Variants in P2RX6 observed in about 807,000 individuals in gnomAD.
P2RX6 encodes the protein P2X purinoceptor 6.
In P2RX6, 62 loss-of-function variants were observed where a neutral mutation model predicts 54.2. The ratio of observed to expected loss-of-function variants is 1.14; its 90% CI spans 0.93 to 1.41. The LOEUF is 1.41. P2RX6 is among the 40% of genes most tolerant of loss of function. The pLI, the probability that P2RX6 is intolerant of heterozygous loss-of-function variation, is 0.00. For missense variants in P2RX6, 541 were observed against 566.3 expected, an observed-to-expected ratio of 0.96 and a Z score of 0.45; for synonymous variants, 211 against 231.9, an observed-to-expected ratio of 0.91 and a Z score of 0.82.
intron 2 of P2RX6, among the ~76,000 whole-genome samples, chr22:21,016,573 A>C (rs1464813560): frequency 1.4e-5 from 2 of 144,364 alleles, no homozygotes; most frequent in African/African-American, 5.2e-5. Flanking sequence ...TGGGTGGCAA[A>C]GCGAGACTCT....
At chr22:21,021,922 G>A (rs1456938149) in intron 3 of P2RX6, among the ~76,000 whole-genome samples, 2 of 152,134 alleles carry the variant, frequency 1.3e-5, no homozygotes, top group Non-Finnish European at 2.9e-5. Context: ...CCTGACTCTA[G>A]GGCCCTGATC....
chr22:21,024,378 C>T (rs1055405327), intron 8 of P2RX6, among the ~76,000 whole-genome samples: 11 of 151,762 alleles, frequency 7.2e-5, no homozygotes, highest in African/African-American at 2.2e-4. Flanking sequence ...CCCGTGTTCA[C>T]GCCATTCTCC....
upstream of P2RX6, among the ~76,000 whole-genome samples, chr22:21,011,095 ATTG>A (rs1471472496): frequency 6.6e-6 from 1 of 151,432 alleles, no homozygotes; most frequent in Non-Finnish European, 1.5e-5. Context: ...TCAGAATGAT[ATTG>A]TTAACATTGT....
At chr22:21,017,057 A>G (rs1926522427) in intron 2 of P2RX6, among the ~76,000 whole-genome samples, 1 of 151,380 alleles carries the variant, frequency 6.6e-6, no homozygotes. Context: ...TTTCACCACT[A>G]CCCATGCCAT....
chr22:21,026,744 C>G lies in P2RX6; in HGVS notation c.*127C>G. ...ACCCTTGAACCCCAGCAGACAGTCC[C>G]TCCCCTGACTCCCACCTTGGTAGGG... On this transcript the variant is annotated 3_prime_UTR_variant, in exon 12 of 12. Transcript: ENST00000413302. This position sits in a 1 kb window ranked among gnomAD's most constrained non-coding sequence, Gnocchi z 4.0. 6.9e-7 allele frequency: 1 copy of G among 1,445,148 alleles called. No individual in the cohort carries two copies. The highest frequency in any genetic ancestry group is 2.7e-5 in the Admixed American group (1 of 37,634). 89.5% of individuals were successfully genotyped at this position (1,445,148 alleles called of 1,614,324 possible).
intron 3 of P2RX6, among the ~76,000 whole-genome samples, chr22:21,019,594 G>A (rs190159825): frequency 9.8e-5 from 15 of 152,366 alleles, no homozygotes; most frequent in Admixed American, 2.0e-4. Flanking sequence ...GATTACAGGC[G>A]TGAGCCTGCC....
chr22:21,013,563 G>A (rs912719559), upstream of P2RX6, among the ~76,000 whole-genome samples: 10 of 152,290 alleles, frequency 6.6e-5, no homozygotes, highest in Admixed American at 1.3e-4. Context: ...CTGAAAGCTG[G>A]GTGACAGAGC....
Position 21,026,309 on chromosome 22 carries a change from T to C in P2RX6, c.1108T>C (p.Trp370Arg). ...TGTGGATAGAGAAGCCCATTTCTAC[T>C]GGAGGACAAAGTATGAGGAGGTGAG... is the stretch of plus-strand genomic sequence containing the variant. ...LYVDREAHFY[W>R]RTKYEEAKAP... Residue 370 changes from tryptophan (W) to arginine (R), a missense_variant, in exon 11 of 12, where the codon TGG becomes CGG. Trp to Arg is a moderately radical substitution (Grantham distance 101). Transcript: ENST00000413302. This position sits in a 1 kb window ranked among gnomAD's most constrained non-coding sequence, Gnocchi z 4.0. The C allele has an allele frequency of 1.2e-6, 2 of 1,607,078 alleles. No homozygotes were observed. Among genetic ancestry groups the C allele is most frequent in the Non-Finnish European group, 1.7e-6 (2 of 1,177,096 alleles).
intron 3 of P2RX6, 123 bp downstream of exon 3, chr22:21,018,183 A>G (rs1479408178): frequency 5.7e-6 from 4 of 707,942 alleles, no homozygotes; most frequent in African/African-American, 1.8e-5. Flanking sequence ...GGTGTCCCCC[A>G]GGCACTGGGC....
chr22:21,016,312 C>T (rs976495189), intron 2 of P2RX6, among the ~76,000 whole-genome samples: 3 of 152,114 alleles, frequency 2.0e-5, no homozygotes, highest in South Asian at 4.1e-4. Context: ...AGAAGCCAGG[C>T]CAGGGTTGGA....
At chr22:21,011,620 G>A, upstream of P2RX6, 1 of 711,104 alleles carries the variant, frequency 1.4e-6, no homozygotes, top group Non-Finnish European at 2.6e-6. Context: ...CTCAGCCAGT[G>A]GGATGCAAAG....
chr22:21,021,971 A>G (rs1192754175), intron 3 of P2RX6, among the ~76,000 whole-genome samples: 1 of 151,870 alleles, frequency 6.6e-6, no homozygotes, highest in African/African-American at 2.4e-5. Context: ...TCAAAAACTC[A>G]CCCTCCCAAG....
chr22:21,026,040 C>T lies in P2RX6; in HGVS notation c.1014C>T (p.Ala338=), dbSNP rs1190790716. 6.8e-6 allele frequency: 11 copies of T among 1,611,918 alleles called. No homozygotes were observed. The highest frequency in any genetic ancestry group is 4.0e-5 in the African/African-American group (3 of 74,892). Residue 338 remains alanine, a synonymous_variant, in exon 10 of 12, where the codon GCC becomes GCT. Coordinates refer to ENST00000413302, the MANE Select transcript of P2RX6 (RefSeq NM_005446.5). This position sits in a 1 kb window ranked among gnomAD's most constrained non-coding sequence, Gnocchi z 4.0. ...GGAAGTTCGGGCTCATCCCCACGGCCGTCACACTGGGCACCGGGGCAGCTT... is the reference window on the plus strand; with the variant it reads ...GGAAGTTCGGGCTCATCCCCACGGCTGTCACACTGGGCACCGGGGCAGCTT... ...QAGKFGLIPT[A]VTLGTGAAWL...
chr22:21,018,498 C>T (rs1159186816), intron 3 of P2RX6: 1 of 247,824 alleles, frequency 4.0e-6, no homozygotes, highest in South Asian at 5.5e-5. Flanking sequence ...TATCACCTCC[C>T]CTTGTCTGTG....
intron 3 of P2RX6, among the ~76,000 whole-genome samples, chr22:21,020,900 A>T (rs1927275779): frequency 6.6e-6 from 1 of 151,814 alleles, no homozygotes; most frequent in Non-Finnish European, 1.5e-5. Context: ...TCTTAAAAAA[A>T]GGTGGGGAGA....
intron 8 of P2RX6, among the ~76,000 whole-genome samples, chr22:21,024,878 G>GTGTTTTT (rs58685165): frequency 2.5e-4 from 28 of 110,752 alleles, no homozygotes; most frequent in East Asian, 1.3e-3. Flanking sequence ...TTTTTTTTGT[G>GTGTTTTT]TTTTTTTTTT....
chr22:21,019,811 T>C (rs944335080), intron 3 of P2RX6, among the ~76,000 whole-genome samples: 1 of 152,252 alleles, frequency 6.6e-6, no homozygotes, highest in Non-Finnish European at 1.5e-5. Context: ...AAAGTATTCC[T>C]TATGGGAAAC....
At chr22:21,023,737 G>T in intron 8 of P2RX6, 119 bp downstream of exon 8, 1 of 717,142 alleles carries the variant, frequency 1.4e-6, no homozygotes, top group South Asian at 1.7e-5. Context: ...GTGCAAGGGG[G>T]TCCCAGGAGC....
In P2RX6 at chr22:21,026,420, G is replaced by C. The variant is rs2093768539; in HGVS notation, c.1129G>C (p.Ala377Pro). ...CCTGACCTGCTGTCCTCATCTGCAG[G>C]CCAAGGCCCCGAAAGCAACCGCCAA... ...HFYWRTKYEE[A>P]KAPKATANSV... is the part of the protein sequence containing the mutation. Residue 377 changes from alanine to proline, a missense_variant and splice_region_variant, in exon 12 of 12, where the codon GCC (alanine) becomes CCC (proline). By Grantham distance (27) the Ala-to-Pro change is conservative (BLOSUM62 -1). Coordinates refer to ENST00000413302, the MANE Select transcript of P2RX6 (RefSeq NM_005446.5). This position sits in a 1 kb window ranked among gnomAD's most constrained non-coding sequence, Gnocchi z 4.0. 6.3e-7 allele frequency: 1 copy of C among 1,597,104 alleles called. No homozygotes were observed. Among genetic ancestry groups the C allele is most frequent in the Non-Finnish European group, 8.5e-7 (1 of 1,172,358 alleles).
Sources: allele counts gnomAD v4.1 joint callset (sites outside exome capture counted in the v4.1 genomes callset), GRCh38; gene constraint gnomAD v4.1.1; non-coding constraint Gnocchi (gnomAD v3.1); transcripts MANE v1.5; gene names NCBI Gene and HGNC (gene_info 2026-07-23, HGNC 2026-07-21).